PAGE2B: variants seen among roughly 807,000 people sequenced by gnomAD.
PAGE2B encodes PAGE family member 2B.
Under a neutral mutation model 7.6 loss-of-function variants are expected in PAGE2B, and 5 were observed. The ratio of observed to expected loss-of-function variants is 0.66; its 90% CI spans 0.34 to 1.38. The LOEUF (loss-of-function observed/expected upper bound fraction) is 1.38. Ranked by LOEUF, PAGE2B falls within the 40% of genes most tolerant of loss-of-function variation. The probability of loss-of-function intolerance (pLI) is 0.04; values close to 1 mark genes in which losing one functional copy is unlikely to be tolerated. For synonymous variants in PAGE2B, 29 were observed against 26.7 expected (o/e 1.09, Z -0.27); for missense variants, 70 against 78.4 (o/e 0.89, Z 0.41).
chrX:55,039,088 G>A, the PAGE2B span, among the ~76,000 whole-genome samples: 2 of 111,761 alleles, frequency 1.8e-5, no homozygotes, highest in Admixed American at 1.9e-4. Flanking sequence ...TTGAGTGGTC[G>A]TAGTAGGTAA....
chrX:55,062,111 CTGG>C, the PAGE2B span, among the ~76,000 whole-genome samples: 1 of 111,306 alleles, frequency 9.0e-6, no homozygotes, highest in African/African-American at 3.3e-5. Flanking sequence ...GGGTATATAC[CTGG>C]GAATAGGATT....
the PAGE2B span, among the ~76,000 whole-genome samples, chrX:55,057,259 C>T: frequency 3.6e-5 from 4 of 111,186 alleles, no homozygotes; most frequent in Admixed American, 2.9e-4. Context: ...AAGCAGAGGT[C>T]GGTTACCAGG....
At chrX:55,048,134 G>A in the PAGE2B span, among the ~76,000 whole-genome samples, 2 of 111,642 alleles carry the variant, frequency 1.8e-5, no homozygotes, top group African/African-American at 3.3e-5. Flanking sequence ...GTAGATATGC[G>A]GCATTATTTC....
chrX:55,076,406 ATG>A (rs1936517885), intron 2 of PAGE2B, among the ~76,000 whole-genome samples, 161 bp from the exon 3 acceptor site: 1 of 108,663 alleles, frequency 9.2e-6, no homozygotes, highest in South Asian at 3.9e-4. Context: ...ATGTGTATAT[ATG>A]TATGTATATA....
chrX:55,058,809 T>C, the PAGE2B span, among the ~76,000 whole-genome samples: 1 of 111,195 alleles, frequency 9.0e-6, no homozygotes, highest in South Asian at 3.8e-4. Context: ...CTCCCTTATG[T>C]AGTAAAACCG....
At chrX:55,038,225 T>C in the PAGE2B span, among the ~76,000 whole-genome samples, 2 of 110,611 alleles carry the variant, frequency 1.8e-5, no homozygotes, top group Non-Finnish European at 3.8e-5. Context: ...CACATATTCA[T>C]AATATGTAAA....
chrX:55,072,682 C>T (rs774456388), upstream of PAGE2B, among the ~76,000 whole-genome samples: 20 of 112,697 alleles, frequency 1.8e-4, no homozygotes, highest in African/African-American at 5.8e-4. Flanking sequence ...CACCTCTTCC[C>T]CCAGTTGCTC....
chrX:55,050,665 A>T, the PAGE2B span, among the ~76,000 whole-genome samples: 2 of 110,967 alleles, frequency 1.8e-5, no homozygotes, highest in African/African-American at 6.6e-5. Flanking sequence ...TGCTTGGTAG[A>T]TCTTCCTCCA....
the PAGE2B span, among the ~76,000 whole-genome samples, chrX:55,052,757 C>T: frequency 0.012 from 1,401 of 112,957 alleles, 23 homozygotes; most frequent in African/African-American, 0.042. Flanking sequence ...TTGTGCTTCC[C>T]GGGTGAGGCG....
At chrX:55,069,421 T>C in the PAGE2B span, among the ~76,000 whole-genome samples, 1 of 111,720 alleles carries the variant, frequency 9.0e-6, no homozygotes, top group Non-Finnish European at 1.9e-5. Context: ...CTTTTTGATG[T>C]GCTGCTGGAT....
the PAGE2B span, among the ~76,000 whole-genome samples, chrX:55,037,015 C>T: frequency 9.0e-6 from 1 of 111,013 alleles, no homozygotes; most frequent in Non-Finnish European, 1.9e-5. Context: ...TCTAAAACAC[C>T]AAAAGCAATG....
the PAGE2B span, among the ~76,000 whole-genome samples, chrX:55,036,309 T>C: frequency 8.9e-4 from 99 of 111,053 alleles, 1 homozygote; most frequent in Middle Eastern, 4.6e-3. Context: ...TCCTGCCTGA[T>C]TGCCCTGGCC....
chrX:55,051,248 C>T, the PAGE2B span, among the ~76,000 whole-genome samples: 3 of 110,227 alleles, frequency 2.7e-5, no homozygotes, highest in African/African-American at 1.0e-4. Context: ...AACATTTTTT[C>T]CTTCATTTCA....
chrX:55,043,472 G>A, the PAGE2B span, among the ~76,000 whole-genome samples: 2 of 109,722 alleles, frequency 1.8e-5, no homozygotes, highest in African/African-American at 3.3e-5. Flanking sequence ...AATCTACAGG[G>A]TCCTCAAACA....
the PAGE2B span, among the ~76,000 whole-genome samples, chrX:55,049,092 A>G: frequency 9.0e-6 from 1 of 111,705 alleles, no homozygotes; most frequent in Non-Finnish European, 1.9e-5. Flanking sequence ...GGTTCTGTTT[A>G]TATGCTGGAT....
the PAGE2B span, among the ~76,000 whole-genome samples, chrX:55,046,704 G>A: frequency 2.7e-5 from 3 of 111,582 alleles, no homozygotes; most frequent in Admixed American, 9.5e-5. Flanking sequence ...TCCTGGCAAC[G>A]TTGAGGAGCC....
the PAGE2B span, among the ~76,000 whole-genome samples, chrX:55,064,227 T>C: frequency 9.0e-6 from 1 of 111,359 alleles, no homozygotes; most frequent in Non-Finnish European, 1.9e-5. Flanking sequence ...ATGGATCTCC[T>C]TCCTTGTTAT....
At chrX:55,047,969 C>A in the PAGE2B span, among the ~76,000 whole-genome samples, 1 of 111,685 alleles carries the variant, frequency 9.0e-6, no homozygotes, top group Non-Finnish European at 1.9e-5. Context: ...TAAGTCTTTA[C>A]TCCATCTTGA....
the PAGE2B span, chrX:55,045,207 A>T: frequency 2.8e-4 from 31 of 111,986 alleles, no homozygotes; most frequent in Non-Finnish European, 4.9e-4. Context: ...AAATTTTGTG[A>T]ATTTCTACTC....
Sources: gnomAD v4.1 joint callset for allele counts (sites outside exome capture counted in the v4.1 genomes callset) on GRCh38, gnomAD v4.1.1 for gene constraint, MANE v1.5 for transcripts, NCBI Gene and HGNC (gene_info 2026-07-23, HGNC 2026-07-21) for gene names.